Variants in AOX1 observed in about 807,000 individuals in gnomAD.
The protein encoded by AOX1 is aldehyde oxidase.
AOX1 carries 153 observed loss-of-function variants against 169.5 expected under a neutral mutation model. That is an observed-to-expected ratio of 0.90 (90% CI 0.79 to 1.03). The LOEUF (loss-of-function observed/expected upper bound fraction) is 1.03, where lower values mean the gene tolerates loss of function less well. Among genes scored for constraint, AOX1 ranks in the 50% least tolerant of loss-of-function variants. AOX1 has a pLI of 0.00. For missense variants in AOX1, 1,656 were observed against 1,663.9 expected, an observed-to-expected ratio of 1.00 and a Z score of 0.08; for synonymous variants, 562 against 581.9, an observed-to-expected ratio of 0.97 and a Z score of 0.49.
chr2:200,612,815 C>T (rs748594864), intron 14 of AOX1, 22 bp downstream of exon 14: 4 of 1,605,362 alleles, frequency 2.5e-6, no homozygotes, highest in East Asian at 2.2e-5. Flanking sequence ...GAAGTAAGGG[C>T]TCCTCTAATA....
At chr2:200,677,740 A>G (rs538201417), downstream of AOX1, among the ~76,000 whole-genome samples, 6 of 152,306 alleles carry the variant, frequency 3.9e-5, no homozygotes, top group African/African-American at 1.2e-4. Context: ...GGCATCATCT[A>G]TGACTAGAAT....
chr2:200,620,199 CTTTT>C (rs34887452), intron 16 of AOX1, among the ~76,000 whole-genome samples: 15 of 130,788 alleles, frequency 1.1e-4, no homozygotes, highest in Admixed American at 3.9e-4. Context: ...TTAATAGTGA[CTTTT>C]TTTTTTTTTT....
intron 20 of AOX1, 94 bp downstream of exon 20, chr2:200,627,543 A>AG (rs2035032263): frequency 2.3e-6 from 2 of 869,006 alleles, no homozygotes; most frequent in Admixed American, 2.0e-5. Context: ...CGGGCAGCCT[A>AG]GGGGGGTGTT....
intron 25 of AOX1, among the ~76,000 whole-genome samples, chr2:200,645,000 G>A (rs1261544015): frequency 2.0e-5 from 3 of 152,120 alleles, no homozygotes; most frequent in Non-Finnish European, 4.4e-5. Flanking sequence ...AACAGTGACG[G>A]TTTGACTTCT....
intron 21 of AOX1, among the ~76,000 whole-genome samples, chr2:200,636,276 G>A (rs796226549): frequency 2.0e-5 from 3 of 151,860 alleles, no homozygotes; most frequent in South Asian, 2.1e-4. Flanking sequence ...TTATAGGCAC[G>A]CACCACCATG....
At chr2:200,599,985 A>C (rs1445457716) in intron 5 of AOX1, among the ~76,000 whole-genome samples, 1 of 152,168 alleles carries the variant, frequency 6.6e-6, no homozygotes, top group Non-Finnish European at 1.5e-5. Context: ...TGTGCCACAC[A>C]CATTTAATAG....
intron 26 of AOX1, among the ~76,000 whole-genome samples, chr2:200,656,568 T>G (rs2035689431): frequency 6.6e-6 from 1 of 152,144 alleles, no homozygotes; most frequent in African/African-American, 2.4e-5. Context: ...TGGATTTCCA[T>G]TTTCATTTTT....
rs200443310 is a variant in AOX1 at position 200,651,100 on chromosome 2, G to T, written c.2974G>T (p.Ala992Ser). ...GTCTTCCTACTCCTTGAGGAAAGTT[G>T]CTGTGGAAAAGTTCAATGCAGAGAA... ...AMSSYSLRKV[A>S]VEKFNAENYW... The change falls in exon 26 of 35, where the codon GCT (alanine) becomes TCT (serine). Residue 992 changes from alanine to serine, a missense_variant. Physicochemically the swap from Ala to Ser is moderately conservative, Grantham distance 99. Coordinates refer to ENST00000374700, the MANE Select transcript of AOX1 (RefSeq NM_001159.4). 6.2e-7 allele frequency: 1 copy of T among 1,614,204 alleles called. No individual in the cohort carries two copies. Among genetic ancestry groups the T allele is most frequent in the Admixed American group, 1.7e-5 (1 of 60,032 alleles).
At chr2:200,604,616 T>G in intron 8 of AOX1, 80 bp from the exon 9 acceptor site, 2 of 1,417,108 alleles carry the variant, frequency 1.4e-6, no homozygotes, top group South Asian at 2.4e-5. Flanking sequence ...TCATTCTGTA[T>G]CTACAGTGCT....
intron 26 of AOX1, among the ~76,000 whole-genome samples, chr2:200,654,641 AG>A (rs556963547): frequency 3.7e-4 from 57 of 152,326 alleles, no homozygotes; most frequent in African/African-American, 1.4e-3. Context: ...GGCACAGAGT[AG>A]GAACTCAAAT....
Position 200,621,105 on chromosome 2 carries a change from G to C in AOX1, c.1875-15G>C. 6.2e-7 allele frequency: 1 copy of C among 1,609,256 alleles called. No individual in the cohort carries two copies. Among genetic ancestry groups the C allele is most frequent in the Non-Finnish European group, 8.5e-7 (1 of 1,178,862 alleles). On this transcript the variant is annotated splice_polypyrimidine_tract_variant and intron_variant, in intron 17 of 34. Coordinates refer to ENST00000374700, the MANE Select transcript of AOX1 (RefSeq NM_001159.4). ...TATGGCCACTCTAAGGAGCTCTGCT[G>C]TGTATATCATCTAGGTCTATTGATC... is the stretch of plus-strand genomic sequence containing the variant.
At position 200,598,022 on chromosome 2, in the gene AOX1, C is replaced by T. The variant is rs563292018; in HGVS notation, c.309+517C>T. Among the ~76,000 whole-genome samples the T allele has an allele frequency of 3.3e-5, 5 of 152,050 alleles. No individual in the cohort carries two copies. The South Asian group carries it at 1.0e-3, about 32-fold the overall frequency. ...CTCGGGGGTGCTGAGGTGAGAGAAT[C>T]ACTTGAGCCTGGGAGGTTGAGGCTG... On this transcript the variant is annotated intron_variant, in intron 4 of 34. Transcript: ENST00000374700.
intron 3 of AOX1, among the ~76,000 whole-genome samples, chr2:200,596,994 T>A (rs531890623): frequency 6.0e-4 from 92 of 152,132 alleles, no homozygotes; most frequent in African/African-American, 2.1e-3. Flanking sequence ...GACAGTGAGG[T>A]GTTGGTGAAG....
At chr2:200,621,013 C>T (rs2034874353) in intron 17 of AOX1, 107 bp from the exon 18 acceptor site, 1 of 1,408,472 alleles carries the variant, frequency 7.1e-7, no homozygotes, top group Non-Finnish European at 9.6e-7. Context: ...AATTGTCTGG[C>T]AGAGACTGTT....
At chr2:200,621,345 A>G (rs2034883340) in intron 18 of AOX1, 99 bp downstream of exon 18, 2 of 1,182,882 alleles carry the variant, frequency 1.7e-6, no homozygotes, top group Non-Finnish European at 2.4e-6. Context: ...ACCATGAAAG[A>G]CTCCAGTATT....
chr2:200,602,176 C>A, intron 5 of AOX1, 108 bp from the exon 6 acceptor site: 1 of 822,660 alleles, frequency 1.2e-6, no homozygotes, highest in Non-Finnish European at 2.0e-6. Flanking sequence ...ACTAAAATGT[C>A]AAACAGATCT....
chr2:200,593,473 A>T (rs1479092508), intron 2 of AOX1, among the ~76,000 whole-genome samples: 1 of 66,302 alleles, frequency 1.5e-5, no homozygotes, highest in East Asian at 5.7e-4. Context: ...CTAACTAAGC[A>T]TCCTTTAGAA....
chr2:200,610,696 T>C (rs1170863403), intron 12 of AOX1, among the ~76,000 whole-genome samples: 1 of 152,206 alleles, frequency 6.6e-6, no homozygotes, highest in Non-Finnish European at 1.5e-5. Context: ...GTTGGCTGAC[T>C]TGATCAGAAT....
At chr2:200,642,474 G>A (rs2035370316) in intron 24 of AOX1, 136 bp from the exon 25 acceptor site, 3 of 585,608 alleles carry the variant, frequency 5.1e-6, no homozygotes, top group Non-Finnish European at 8.7e-6. Flanking sequence ...TGTTTAATTG[G>A]GGGCATGGGA....
Sources: gnomAD v4.1 joint callset for allele counts (sites outside exome capture counted in the v4.1 genomes callset) on GRCh38, gnomAD v4.1.1 for gene constraint, MANE v1.5 for transcripts, NCBI Gene and HGNC (gene_info 2026-07-23, HGNC 2026-07-21) for gene names.